Variants in ANKIB1 observed in about 807,000 individuals in gnomAD.
ANKIB1 encodes the protein ankyrin repeat and IBR domain-containing protein 1.
ANKIB1 carries 43 observed loss-of-function variants against 122.1 expected under a neutral mutation model. The observed-to-expected ratio is 0.35, with a 90% confidence interval of 0.28 to 0.45. The LOEUF (loss-of-function observed/expected upper bound fraction) is 0.45. Ranked by LOEUF, ANKIB1 falls within the 20% of genes least tolerant of loss-of-function variation. ANKIB1 has a pLI of 1.00. For synonymous variants in ANKIB1, 390 were observed against 442.0 expected (o/e 0.88, Z 1.48); for missense variants, 992 against 1,329.5 (o/e 0.75, Z 3.95).
chr7:92,327,721 G>T lies in ANKIB1; in HGVS notation c.670-62G>T, dbSNP rs377472829. Reference sequence around the variant, plus strand: ...TGGACTGACTATATATTGTTTATAGGCATTTTGATAACTTCCTATGAGTAT... The same window carrying T: ...TGGACTGACTATATATTGTTTATAGTCATTTTGATAACTTCCTATGAGTAT... On this transcript the variant is annotated intron_variant, in intron 4 of 19. Transcript: ENST00000265742. The T allele has an allele frequency of 1.3e-5, 10 of 777,498 alleles. 1 individual carries two copies. The highest frequency in any genetic ancestry group is 3.1e-5 in the East Asian group (1 of 32,776). The allele number at this position is 777,498 out of a possible 1,614,324, so 48.2% of individuals were successfully genotyped here.
intron 1 of ANKIB1, among the ~76,000 whole-genome samples, chr7:92,283,904 G>A (rs1279369295): frequency 6.6e-6 from 1 of 152,150 alleles, no homozygotes. Flanking sequence ...CTGAGTAGCT[G>A]AGACTATAGG....
At chr7:92,395,068 T>C (rs1180150780) in intron 17 of ANKIB1, among the ~76,000 whole-genome samples, 1 of 152,198 alleles carries the variant, frequency 6.6e-6, no homozygotes, top group Non-Finnish European at 1.5e-5. Context: ...ATAATGATTC[T>C]CTAAATTAGC....
intron 4 of ANKIB1, among the ~76,000 whole-genome samples, chr7:92,322,415 A>G (rs1802931598): frequency 6.6e-6 from 1 of 152,144 alleles, no homozygotes; most frequent in Non-Finnish European, 1.5e-5. Flanking sequence ...GAAGTATACC[A>G]AAATGATCAT....
At chr7:92,342,629 C>A (rs777609041) in intron 5 of ANKIB1, among the ~76,000 whole-genome samples, 24 of 152,138 alleles carry the variant, frequency 1.6e-4, no homozygotes, top group Non-Finnish European at 3.2e-4. Flanking sequence ...AATCATTTTA[C>A]AACTTGATGC....
At chr7:92,253,147 A>G (rs972079142) in intron 1 of ANKIB1, among the ~76,000 whole-genome samples, 2 of 152,200 alleles carry the variant, frequency 1.3e-5, no homozygotes, top group East Asian at 1.9e-4. Flanking sequence ...TGTAGTTCCA[A>G]TTCTAGTCCA....
chr7:92,343,260 C>A (rs757161637), intron 6 of ANKIB1, 28 bp downstream of exon 6: 1 of 1,574,980 alleles, frequency 6.3e-7, no homozygotes, highest in East Asian at 2.3e-5. Flanking sequence ...CTGTACTTCT[C>A]ATAGCTTTGT....
intron 10 of ANKIB1, among the ~76,000 whole-genome samples, chr7:92,363,093 A>T (rs1803987831): frequency 6.6e-6 from 1 of 151,536 alleles, no homozygotes; most frequent in Non-Finnish European, 1.5e-5. Context: ...TTAGCTTGAG[A>T]TGTCACAAGT....
At chr7:92,280,994 G>A (rs1802002868) in intron 1 of ANKIB1, among the ~76,000 whole-genome samples, 1 of 152,158 alleles carries the variant, frequency 6.6e-6, no homozygotes, top group Non-Finnish European at 1.5e-5. Flanking sequence ...GAACTCACAG[G>A]ACTCAGCGTG....
intron 7 of ANKIB1, among the ~76,000 whole-genome samples, chr7:92,349,032 T>G (rs1803602274): frequency 6.6e-6 from 1 of 152,116 alleles, no homozygotes; most frequent in South Asian, 2.1e-4. Context: ...CAAGAAACTT[T>G]GATGTGAAAG....
At chr7:92,271,065 T>TC (rs1801780917) in intron 1 of ANKIB1, among the ~76,000 whole-genome samples, 1 of 152,196 alleles carries the variant, frequency 6.6e-6, no homozygotes, top group South Asian at 2.1e-4. Flanking sequence ...CTGTGTTTTT[T>TC]CTTCTAAAAG....
At chr7:92,364,899 A>G (rs1804038395) in intron 10 of ANKIB1, among the ~76,000 whole-genome samples, 1 of 152,148 alleles carries the variant, frequency 6.6e-6, no homozygotes, top group Non-Finnish European at 1.5e-5. Flanking sequence ...GAAACAGGAA[A>G]CTCAGATAAG....
At position 92,294,978 on chromosome 7, in the gene ANKIB1, C is replaced by T. The variant is rs984056471; in HGVS notation, c.-1C>T. The T allele has an allele frequency of 6.3e-7, 1 of 1,584,676 alleles. No homozygotes were observed. Among genetic ancestry groups the T allele is most frequent in the African/African-American group, 1.3e-5 (1 of 74,212 alleles). ...GCCTATCAGAAAAAACAAAACAAAA[C>T]ATGGGAAATACAACCACCAAATTCC... On this transcript the variant is annotated 5_prime_UTR_variant, in exon 2 of 20. Transcript: ENST00000265742.
intron 11 of ANKIB1, among the ~76,000 whole-genome samples, chr7:92,375,035 A>G (rs776180447): frequency 1.3e-5 from 2 of 150,232 alleles, no homozygotes; most frequent in Non-Finnish European, 2.9e-5. Context: ...TCCACTGCAT[A>G]TAAAAGTTTA....
At chr7:92,322,061 A>C (rs1300936303) in intron 4 of ANKIB1, among the ~76,000 whole-genome samples, 3 of 152,184 alleles carry the variant, frequency 2.0e-5, no homozygotes, top group Non-Finnish European at 4.4e-5. Context: ...TTCAGGTCCA[A>C]ACAACTTCCG....
intron 9 of ANKIB1, among the ~76,000 whole-genome samples, chr7:92,361,874 A>G (rs983188694): frequency 2.6e-5 from 4 of 151,710 alleles, no homozygotes; most frequent in Admixed American, 1.3e-4. Context: ...CAATGGTGCA[A>G]TCTCGGCTCA....
At chr7:92,374,044 CTG>C (rs934963289) in intron 11 of ANKIB1, among the ~76,000 whole-genome samples, 3 of 152,008 alleles carry the variant, frequency 2.0e-5, no homozygotes, top group South Asian at 4.1e-4. Flanking sequence ...CATACTGAAA[CTG>C]TGGACTGTGC....
Position 92,270,507 on chromosome 7 carries a change from A to C in ANKIB1, c.-91+23988A>C, listed in dbSNP as rs117011767. Among the ~76,000 whole-genome samples the C allele has an allele frequency of 2.4e-3, 373 of 152,272 alleles. 2 individuals carry two copies. Among genetic ancestry groups the C allele is most frequent in the Non-Finnish European group, 4.5e-3 (309 of 68,012 alleles). On this transcript the variant is annotated intron_variant, in intron 1 of 19. Coordinates refer to ENST00000265742, the MANE Select transcript of ANKIB1 (RefSeq NM_019004.2). ...TTTTCAGTAATTCAGGTAGTAGAAG[A>C]AAACTTTTATTTTTTAAATTCTCAT... is the stretch of plus-strand genomic sequence containing the variant.
chr7:92,387,997 C>A lies in ANKIB1; in HGVS notation c.1862C>A (p.Thr621Lys), dbSNP rs1804697138. Reference protein sequence around the residue: ...SYQLEQRLLKTAKEKMEQLSR... With the variant: ...SYQLEQRLLKKAKEKMEQLSR... ...TAGCTAGAACAACGCCTTCTTAAAA[C>A]AGCCAAAGAAAAGATGGAGCAATTG... is the stretch of plus-strand genomic sequence containing the variant. Residue 621 changes from threonine (T) to lysine (K), a missense_variant, in exon 14 of 20, where the codon ACA (threonine) becomes AAA (lysine). This residue lies in a region of ANKIB1 where 521 missense variants were observed against 777.7 expected (regional missense o/e 0.67). Transcript: ENST00000265742. 2 of 1,582,526 alleles carry A rather than the reference C, an allele frequency of 1.3e-6. No individual in the cohort carries two copies. The highest frequency in any genetic ancestry group is 4.6e-5 in the East Asian group (2 of 43,566).
At chr7:92,368,720 CAA>C (rs753061018) in intron 10 of ANKIB1, among the ~76,000 whole-genome samples, 11 of 100,752 alleles carry the variant, frequency 1.1e-4, no homozygotes, top group Admixed American at 2.1e-4. Flanking sequence ...GACTCCGTCT[CAA>C]AAAAAAAAAA....
Sources: gnomAD v4.1 joint callset for allele counts (sites outside exome capture counted in the v4.1 genomes callset) on GRCh38, gnomAD v4.1.1 for gene constraint, gnomAD v4.1.1 regional missense constraint, MANE v1.5 for transcripts, NCBI Gene and HGNC (gene_info 2026-07-23, HGNC 2026-07-21) for gene names.